RNF135: variants seen among roughly 807,000 people sequenced by gnomAD.
RNF135 encodes ring finger protein 135.
RNF135 carries 46 observed loss-of-function variants against 41.9 expected under a neutral mutation model. The observed-to-expected ratio is 1.10, with a 90% CI of 0.87 to 1.40. The LOEUF is 1.40. Among genes scored for constraint, RNF135 ranks in the 40% most tolerant of loss-of-function variants. The probability of loss-of-function intolerance (pLI) is 0.00; values close to 1 mark genes in which losing one functional copy is unlikely to be tolerated. For missense variants in RNF135, 539 were observed against 549.8 expected (o/e 0.98, Z 0.20); for synonymous variants, 238 against 223.8 (o/e 1.06, Z -0.57).
chr17:30,971,679 A>T (rs1391440070), intron 1 of RNF135: 1 of 1,335,900 alleles, frequency 7.5e-7, no homozygotes, highest in East Asian at 3.2e-5. Flanking sequence ...GCTGTTACAC[A>T]GCTTGGCATA....
At chr17:30,989,437 T>C (rs776156338) in intron 3 of RNF135, among the ~76,000 whole-genome samples, 3 of 152,278 alleles carry the variant, frequency 2.0e-5, no homozygotes, top group Middle Eastern at 3.4e-3. Context: ...AGTGTGTTAA[T>C]GTTAATATTA....
chr17:30,997,723 C>T lies in RNF135; in HGVS notation c.769+392C>T, dbSNP rs114663703. On this transcript the variant is annotated intron_variant, in intron 4 of 4. Transcript: ENST00000328381. ...GAGCATGGATCCCAGAGCCAGACTG[C>T]TTGGGTTTGACTCCCAGCAGCTCCA... Among the ~76,000 whole-genome samples the T allele has an allele frequency of 5.6e-3, 855 of 152,304 alleles. 11 individuals are homozygous for T. Among genetic ancestry groups the T allele is most frequent in the African/African-American group, 0.02 (816 of 41,556 alleles).
upstream of RNF135, among the ~76,000 whole-genome samples, chr17:30,968,425 GC>G (rs1905645377): frequency 7.2e-6 from 1 of 139,054 alleles, no homozygotes; most frequent in East Asian, 2.1e-4. Flanking sequence ...TTGCTCTGTC[GC>G]CCAGGCTGGA....
chr17:30,982,046 C>T (rs930128819), intron 1 of RNF135, among the ~76,000 whole-genome samples: 1 of 152,214 alleles, frequency 6.6e-6, no homozygotes, highest in Admixed American at 6.5e-5. Flanking sequence ...CACTATCTGG[C>T]TACCACCTAT....
At chr17:30,986,534 G>T (rs753490400) in intron 2 of RNF135, among the ~76,000 whole-genome samples, 2 of 152,152 alleles carry the variant, frequency 1.3e-5, no homozygotes, top group Non-Finnish European at 2.9e-5. Context: ...GTCCCCAGGC[G>T]CTAGCACAGT....
At chr17:30,963,646 T>C in the RNF135 span, among the ~76,000 whole-genome samples, 1 of 152,156 alleles carries the variant, frequency 6.6e-6, no homozygotes, top group Non-Finnish European at 1.5e-5. Flanking sequence ...TTCTGGATAC[T>C]AGGAATACAG....
chr17:30,988,416 A>ATTTTTTTTTTTTTTTT (rs56955275), intron 3 of RNF135, among the ~76,000 whole-genome samples: 1 of 81,874 alleles, frequency 1.2e-5, no homozygotes, highest in Non-Finnish European at 2.4e-5. Flanking sequence ...GCCACTTTTA[A>ATTTTTTTTTTTTTTTT]TTTTTTTTTT....
chr17:30,981,123 C>G (rs1907111075), intron 1 of RNF135, among the ~76,000 whole-genome samples: 2 of 149,206 alleles, frequency 1.3e-5, no homozygotes, highest in African/African-American at 5.1e-5. Context: ...CTCGGGAGGC[C>G]GAGGCTGGCG....
chr17:30,968,779 T>C (rs546548919), upstream of RNF135: 1 of 152,350 alleles, frequency 6.6e-6, no homozygotes, highest in African/African-American at 2.4e-5. Flanking sequence ...ACTGGTTAAC[T>C]CACTCTTTCC....
At chr17:30,982,178 A>C (rs932984390) in intron 1 of RNF135, among the ~76,000 whole-genome samples, 4 of 152,186 alleles carry the variant, frequency 2.6e-5, no homozygotes, top group African/African-American at 4.8e-5. Context: ...CCATCTCAGC[A>C]CTAGGACTTG....
intron 1 of RNF135, chr17:30,971,754 C>T (rs1598073765): frequency 1.6e-6 from 2 of 1,241,994 alleles, no homozygotes; most frequent in Admixed American, 4.4e-5. Flanking sequence ...GTGGTAAGAT[C>T]TATATAACAT....
At chr17:30,960,364 C>T in the RNF135 span, among the ~76,000 whole-genome samples, 1 of 151,338 alleles carries the variant, frequency 6.6e-6, no homozygotes, top group Admixed American at 6.6e-5. Context: ...TGCACTCCAG[C>T]CTGGCGACAG....
chr17:30,981,232 C>T (rs1358843202), intron 1 of RNF135, among the ~76,000 whole-genome samples: 7 of 148,444 alleles, frequency 4.7e-5, no homozygotes, highest in East Asian at 1.9e-4. Context: ...TGGCGGCGCG[C>T]GCCTGCAATC....
intron 1 of RNF135, among the ~76,000 whole-genome samples, chr17:30,981,875 T>C (rs1314108910): frequency 6.6e-6 from 1 of 152,226 alleles, no homozygotes; most frequent in Non-Finnish European, 1.5e-5. Context: ...AGATTCTTGT[T>C]CTCTTCTCAT....
At chr17:30,967,112 A>G (rs535275730), upstream of RNF135, among the ~76,000 whole-genome samples, 1 of 151,884 alleles carries the variant, frequency 6.6e-6, no homozygotes, top group Non-Finnish European at 1.5e-5. Flanking sequence ...TCAGCTCACT[A>G]CAACCTCCGT....
chr17:30,977,472 C>T (rs1405144307), intron 1 of RNF135, among the ~76,000 whole-genome samples: 2 of 152,154 alleles, frequency 1.3e-5, no homozygotes, highest in Non-Finnish European at 1.5e-5. Context: ...CTCTTGGGTT[C>T]AAGAAATTCT....
chr17:30,960,726 TTTTA>T, the RNF135 span, among the ~76,000 whole-genome samples: 35 of 139,770 alleles, frequency 2.5e-4, no homozygotes, highest in African/African-American at 1.0e-3. Flanking sequence ...TTTTATTTTA[TTTTA>T]TTTATTTTAT....
At chr17:30,994,156 TAGG>T (rs768863254) in intron 3 of RNF135, among the ~76,000 whole-genome samples, 9 of 152,196 alleles carry the variant, frequency 5.9e-5, no homozygotes, top group Admixed American at 6.5e-5. Context: ...ATCAGCAAAA[TAGG>T]AGAACAGTGA....
At chr17:30,979,883 G>C (rs1274895995) in intron 1 of RNF135, among the ~76,000 whole-genome samples, 3 of 100,446 alleles carry the variant, frequency 3.0e-5, no homozygotes, top group Admixed American at 9.6e-5. Context: ...TCCCTCCCGG[G>C]CGGGGCGGCT....
Sources: gnomAD v4.1 joint callset for allele counts (sites outside exome capture counted in the v4.1 genomes callset) on GRCh38, gnomAD v4.1.1 for gene constraint, MANE v1.5 for transcripts, NCBI Gene and HGNC (gene_info 2026-07-23, HGNC 2026-07-21) for gene names.